The following PILRB variants were observed in gnomAD, a reference collection of about 807,000 sequenced individuals.
PILRB encodes the protein paired immunoglobin like type 2 receptor beta, also known as paired immunoglobulin-like type 2 receptor beta.
In PILRB, 21 loss-of-function variants were observed where a neutral mutation model predicts 20.5. The ratio of observed to expected loss-of-function variants is 1.02; its 90% CI spans 0.72 to 1.47. PILRB has a LOEUF of 1.47. Among genes scored for constraint, PILRB ranks in the 40% most tolerant of loss-of-function variants. The probability of loss-of-function intolerance (pLI) is 0.00; values close to 1 mark genes in which losing one functional copy is unlikely to be tolerated. For synonymous variants in PILRB, 133 were observed against 115.1 expected, an observed-to-expected ratio of 1.16 and a Z score of -0.99; for missense variants, 253 against 272.1, an observed-to-expected ratio of 0.93 and a Z score of 0.49.
At chr7:100,367,287 C>A (rs1790721846) in intron 3 of PILRB, 62 bp from the exon 4 acceptor site, 2 of 779,372 alleles carry the variant, frequency 2.6e-6, no homozygotes, top group African/African-American at 3.4e-5. Context: ...TCTGAAGCAA[C>A]TGCCTCGCCT....
At chr7:100,360,671 G>T (rs1254077668) in intron 3 of PILRB, among the ~76,000 whole-genome samples, 2 of 152,194 alleles carry the variant, frequency 1.3e-5, no homozygotes, top group Non-Finnish European at 2.9e-5. Context: ...ATGGAGGAAT[G>T]GCCAGAGGTG....
At chr7:100,359,817 G>A (rs934691565) in intron 3 of PILRB, among the ~76,000 whole-genome samples, 1 of 152,162 alleles carries the variant, frequency 6.6e-6, no homozygotes, top group African/African-American at 2.4e-5. Context: ...AAGGCCAAGA[G>A]ATCAAGACCA....
rs374271664 is a variant in PILRB, at chr7:100,360,134, A to G, written c.655+597A>G. 2.5e-3 allele frequency among the ~76,000 whole-genome samples: 374 copies of G among 152,260 alleles called. 3 individuals are homozygous for G. The highest frequency in any genetic ancestry group is 8.8e-3 in the African/African-American group (364 of 41,540). ...CACGCTCCCCTGAAGGTTCCTGGGG[A>G]GGGGAGGGCCTGCCCTGGGAAAAGA... is the stretch of plus-strand genomic sequence containing the variant. On this transcript the variant is annotated intron_variant, in intron 3 of 3. Transcript: ENST00000609309.
rs749060746 is a variant in PILRB, at chr7:100,358,208, C to T, written c.-95C>T. On this transcript the variant is annotated 5_prime_UTR_variant, in exon 1 of 4. Coordinates refer to ENST00000609309, the MANE Select transcript of PILRB (RefSeq NM_178238.4). ...TGGGGAGCCTCACCCTGGCTCTCCC[C>T]ACTCACCTCAGCCCTCAGGCAGCCC... The T allele has an allele frequency of 2.7e-5, 40 of 1,474,970 alleles. No individual in the cohort carries two copies. Among genetic ancestry groups the T allele is most frequent in the Non-Finnish European group, 9.4e-7 (1 of 1,064,570 alleles). 91.4% of individuals were successfully genotyped at this position (1,474,970 alleles called of 1,614,324 possible).
rs1054514865 is a variant in PILRB at position 100,367,214 on chromosome 7, C to G, written c.656-135C>G. ...AATCAGGGACTGTGCTGCTAAGAAC[C>G]CCACAAGCCCAGCCTGCCACAAATT... On this transcript the variant is annotated intron_variant, in intron 3 of 3. Coordinates refer to ENST00000609309, the MANE Select transcript of PILRB (RefSeq NM_178238.4). 4 of 841,116 alleles carry G rather than the reference C, an allele frequency of 4.8e-6. No individual in the cohort carries two copies. In the African/African-American group the frequency reaches 6.6e-5, roughly 14 times the overall value. The allele number at this position is 841,116 out of a possible 1,614,324, so 52.1% of individuals were successfully genotyped here.
intron 3 of PILRB, among the ~76,000 whole-genome samples, chr7:100,361,556 G>C (rs1324082044): frequency 1.3e-5 from 2 of 152,186 alleles, no homozygotes; most frequent in Non-Finnish European, 2.9e-5. Context: ...AGCCAGGCAT[G>C]GTGGCCGACA....
chr7:100,367,222 C>A, intron 3 of PILRB, 127 bp from the exon 4 acceptor site: 1 of 818,626 alleles, frequency 1.2e-6, no homozygotes, highest in Non-Finnish European at 2.2e-6. Context: ...ACCCCACAAG[C>A]CCAGCCTGCC....
intron 3 of PILRB, among the ~76,000 whole-genome samples, chr7:100,365,479 AC>A (rs1334985087): frequency 6.6e-5 from 10 of 152,362 alleles, no homozygotes; most frequent in Admixed American, 3.9e-4. Context: ...TGTCAGGGGC[AC>A]AGAGGAGATG....
chr7:100,361,679 C>T (rs953657945), intron 3 of PILRB, among the ~76,000 whole-genome samples: 6 of 152,050 alleles, frequency 3.9e-5, no homozygotes, highest in East Asian at 1.9e-4. Context: ...GCTGATAGAG[C>T]GAGACTCCAT....
chr7:100,364,173 CACAT>C (rs1790610215), intron 3 of PILRB, among the ~76,000 whole-genome samples: 2 of 151,828 alleles, frequency 1.3e-5, no homozygotes, highest in Non-Finnish European at 2.9e-5. Flanking sequence ...AATAAACCCT[CACAT>C]AGATAGTCAA....
In PILRB at chr7:100,367,486, C is replaced by A; in HGVS notation, c.*109C>A. On this transcript the variant is annotated 3_prime_UTR_variant, in exon 4 of 4. Coordinates refer to ENST00000609309, the MANE Select transcript of PILRB (RefSeq NM_178238.4). ...CCCCATTGGCAAGATACATGGAGAGCACCCTGAGGACCTTTAAAAGGCAAA... is the reference window on the plus strand; with the variant it reads ...CCCCATTGGCAAGATACATGGAGAGAACCCTGAGGACCTTTAAAAGGCAAA... The A allele has an allele frequency of 1.3e-6, 1 of 751,434 alleles. No homozygotes were observed. The highest frequency in any genetic ancestry group is 2.5e-6 in the Non-Finnish European group (1 of 397,116). 46.5% of individuals were successfully genotyped at this position (751,434 alleles called of 1,614,324 possible).
intron 3 of PILRB, among the ~76,000 whole-genome samples, chr7:100,360,079 C>G (rs1399954930): frequency 6.6e-6 from 1 of 152,158 alleles, no homozygotes; most frequent in African/African-American, 2.4e-5. Flanking sequence ...AGCTGGATCC[C>G]CCCAACTTCT....
At position 100,358,328 on chromosome 7, in the gene PILRB, T is replaced by G; in HGVS notation, c.26T>G (p.Leu9Arg). MGRPLLLP[L>R]LLLLQPPAFL... Reference sequence around the variant, plus strand: ...ATGGGTCGGCCCCTGCTGCTGCCCCTGCTGCTCCTGCTGCAGCCGCCAGCA... The same window carrying G: ...ATGGGTCGGCCCCTGCTGCTGCCCCGGCTGCTCCTGCTGCAGCCGCCAGCA... Residue 9 changes from leucine to arginine, a missense_variant, in exon 1 of 4, where the codon CTG (leucine) becomes CGG (arginine). By Grantham distance (102) the Leu-to-Arg change is moderately radical. Coordinates refer to ENST00000609309, the MANE Select transcript of PILRB (RefSeq NM_178238.4). 1 of 1,612,920 alleles carries G rather than the reference T, an allele frequency of 6.2e-7. No individual in the cohort carries two copies. The highest frequency in any genetic ancestry group is 8.5e-7 in the Non-Finnish European group (1 of 1,180,002).
intron 3 of PILRB, among the ~76,000 whole-genome samples, chr7:100,365,949 GT>G (rs769960565): frequency 0.059 from 7,514 of 127,758 alleles, 404 homozygotes; most frequent in African/African-American, 0.15. Context: ...ATTCTAGGTG[GT>G]TTTTTTTTTT....
chr7:100,362,972 C>G (rs1443841025), intron 3 of PILRB, among the ~76,000 whole-genome samples: 1 of 151,784 alleles, frequency 6.6e-6, no homozygotes, highest in Non-Finnish European at 1.5e-5. Flanking sequence ...AGAAGGATGC[C>G]CGATCTCACT....
At position 100,358,383 on chromosome 7, in the gene PILRB, G is replaced by A. The variant is rs373307150; in HGVS notation, c.64+17G>A. 1.8e-5 allele frequency: 29 copies of A among 1,610,612 alleles called. No individual in the cohort carries two copies. Among genetic ancestry groups the A allele is most frequent in the East Asian group, 4.5e-5 (2 of 44,882 alleles). Reference sequence around the variant, plus strand: ...TGCAGCCTGGTGAGTACCCAGGACCGCCCAGGTATGGTCTCTGCCCAAACC... The same window carrying A: ...TGCAGCCTGGTGAGTACCCAGGACCACCCAGGTATGGTCTCTGCCCAAACC... On this transcript the variant is annotated intron_variant, in intron 1 of 3. Transcript: ENST00000609309.
rs778958885 is a variant in PILRB at position 100,358,672 on chromosome 7, A to T, written c.65-18A>T. 27 of 1,608,368 alleles carry T rather than the reference A, an allele frequency of 1.7e-5. No homozygotes were observed. The East Asian group carries it at 5.4e-4, about 32-fold the overall frequency. On this transcript the variant is annotated intron_variant, in intron 1 of 3. Transcript: ENST00000609309. ...TGGTTTCAAGGTCTCTCCCCCACTC[A>T]CTCCCTCCTTCCTCTAGGTGGCTCC...
intron 3 of PILRB, among the ~76,000 whole-genome samples, chr7:100,363,132 TAA>T (rs771904107): frequency 3.2e-4 from 27 of 85,026 alleles, no homozygotes; most frequent in Admixed American, 6.7e-4. Context: ...CATCTCTACT[TAA>T]AAAAAAAAAA....
chr7:100,367,093 G>A (rs1337676916), intron 3 of PILRB, among the ~76,000 whole-genome samples: 3 of 152,104 alleles, frequency 2.0e-5, no homozygotes, highest in Admixed American at 6.5e-5. Flanking sequence ...CCCCCTACAC[G>A]TCAGCAGCGG....
Sources: gnomAD v4.1 joint callset for allele counts (sites outside exome capture counted in the v4.1 genomes callset) on GRCh38, gnomAD v4.1.1 for gene constraint, MANE v1.5 for transcripts, NCBI Gene and HGNC (gene_info 2026-07-23, HGNC 2026-07-21) for gene names.